The following LOC128706665 variants were observed in gnomAD, a reference collection of about 807,000 sequenced individuals.
the LOC128706665 span, among the ~76,000 whole-genome samples, chr20:10,414,689 A>G: frequency 1.3e-5 from 2 of 152,210 alleles, no homozygotes; most frequent in Non-Finnish European, 2.9e-5. Context: ...GTGCATTTAT[A>G]TCAAGTCATG....
the LOC128706665 span, among the ~76,000 whole-genome samples, chr20:10,423,356 A>T: frequency 6.6e-6 from 1 of 152,128 alleles, no homozygotes; most frequent in Non-Finnish European, 1.5e-5. Context: ...TGGGAGGCTG[A>T]GGCTGCGGTG....
At chr20:10,418,079 A>T in the LOC128706665 span, among the ~76,000 whole-genome samples, 2 of 152,206 alleles carry the variant, frequency 1.3e-5, no homozygotes, top group African/African-American at 4.8e-5. Context: ...AATTGTAGGT[A>T]AAGAGTCACT....
the LOC128706665 span, among the ~76,000 whole-genome samples, chr20:10,415,648 T>A: frequency 6.6e-6 from 1 of 152,352 alleles, no homozygotes; most frequent in Admixed American, 6.5e-5. Flanking sequence ...AAATGAAACC[T>A]CACAAAGTGA....
the LOC128706665 span, among the ~76,000 whole-genome samples, chr20:10,423,882 T>C: frequency 2.0e-5 from 3 of 152,208 alleles, no homozygotes; most frequent in African/African-American, 7.2e-5. Context: ...TCCTGGTTAG[T>C]AAATGATGTA....
chr20:10,416,776 T>C, the LOC128706665 span, among the ~76,000 whole-genome samples: 6 of 152,294 alleles, frequency 3.9e-5, no homozygotes, highest in African/African-American at 1.4e-4. Context: ...TAGACCCATA[T>C]ATGGTGGTTG....
chr20:10,422,954 G>A, the LOC128706665 span, among the ~76,000 whole-genome samples: 21,718 of 151,874 alleles, frequency 0.14, 1,745 homozygotes, highest in East Asian at 0.24. Context: ...CTTGCGATCC[G>A]CTCGCCTCGG....
chr20:10,425,762 G>C, the LOC128706665 span, among the ~76,000 whole-genome samples: 1 of 152,118 alleles, frequency 6.6e-6, no homozygotes, highest in Non-Finnish European at 1.5e-5. Flanking sequence ...CTCATTTATT[G>C]AACTTTTCAA....
At chr20:10,417,652 T>C in the LOC128706665 span, among the ~76,000 whole-genome samples, 2 of 137,784 alleles carry the variant, frequency 1.5e-5, no homozygotes, top group Non-Finnish European at 3.1e-5. Flanking sequence ...CTACTGCTAC[T>C]GCACTGTAGC....
the LOC128706665 span, among the ~76,000 whole-genome samples, chr20:10,418,511 C>T: frequency 6.6e-6 from 1 of 152,150 alleles, no homozygotes. Context: ...AAATCCGGCT[C>T]TAACTTTTGC....
the LOC128706665 span, among the ~76,000 whole-genome samples, chr20:10,428,856 A>C: frequency 6.6e-6 from 1 of 152,078 alleles, no homozygotes; most frequent in Non-Finnish European, 1.5e-5. Context: ...TAAATAAATA[A>C]ATAAATAAAA....
At chr20:10,433,603 T>G in the LOC128706665 span, among the ~76,000 whole-genome samples, 27 of 152,200 alleles carry the variant, frequency 1.8e-4, no homozygotes, top group Non-Finnish European at 3.5e-4. Context: ...GGGTCATCCC[T>G]ACAAGGTCCA....
At chr20:10,431,762 A>G in the LOC128706665 span, 1 of 152,172 alleles carries the variant, frequency 6.6e-6, no homozygotes, top group Non-Finnish European at 1.5e-5. Flanking sequence ...GGTAGCAGCC[A>G]CTTGTCTTCT....
At chr20:10,431,814 G>A in the LOC128706665 span, 1 of 152,108 alleles carries the variant, frequency 6.6e-6, no homozygotes, top group African/African-American at 2.4e-5. Context: ...AGAGAATCTT[G>A]TCCCCTTTGG....
the LOC128706665 span, among the ~76,000 whole-genome samples, chr20:10,419,629 C>T: frequency 1.3e-5 from 2 of 152,162 alleles, no homozygotes; most frequent in Non-Finnish European, 2.9e-5. Flanking sequence ...AGGCACAATA[C>T]TCCTGTGCTT....
At chr20:10,429,078 A>T in the LOC128706665 span, among the ~76,000 whole-genome samples, 1 of 152,102 alleles carries the variant, frequency 6.6e-6, no homozygotes, top group African/African-American at 2.4e-5. Flanking sequence ...GCCCTTTACC[A>T]TCTTCCTTCC....
chr20:10,420,367 T>C, the LOC128706665 span, among the ~76,000 whole-genome samples: 1 of 152,160 alleles, frequency 6.6e-6, no homozygotes, highest in Non-Finnish European at 1.5e-5. Flanking sequence ...CAACGAACTT[T>C]TCTAGAAACA....
At chr20:10,433,052 G>C in the LOC128706665 span, among the ~76,000 whole-genome samples, 1 of 152,202 alleles carries the variant, frequency 6.6e-6, no homozygotes, top group Non-Finnish European at 1.5e-5. Context: ...CGCCCAACCT[G>C]GAGTGCAGTG....
chr20:10,422,963 G>A, the LOC128706665 span, among the ~76,000 whole-genome samples: 1 of 151,952 alleles, frequency 6.6e-6, no homozygotes, highest in Non-Finnish European at 1.5e-5. Context: ...CGCTCGCCTC[G>A]GCCTCCCAAA....
the LOC128706665 span, among the ~76,000 whole-genome samples, chr20:10,428,422 G>T: frequency 6.4e-4 from 97 of 152,316 alleles, 1 homozygote; most frequent in African/African-American, 2.3e-3. Flanking sequence ...TCATTTTCAA[G>T]ATTTTAATTG....
Sources: gnomAD v4.1 joint callset for allele counts (sites outside exome capture counted in the v4.1 genomes callset) on GRCh38, gnomAD v4.1.1 for gene constraint, MANE v1.5 for transcripts.